The following TBCD variants were observed in gnomAD, a reference collection of about 807,000 sequenced individuals.
The protein encoded by TBCD is tubulin-specific chaperone D.
A neutral mutation model predicts 169.3 loss-of-function variants in TBCD; 105 were observed. The observed-to-expected ratio is 0.62, with a 90% CI of 0.53 to 0.73. The LOEUF is 0.73. TBCD is among the 30% of genes least tolerant of loss of function. The pLI is 0.00. For synonymous variants in TBCD, 700 were observed against 643.9 expected, an observed-to-expected ratio of 1.09 and a Z score of -1.32; for missense variants, 1,444 against 1,600.1, an observed-to-expected ratio of 0.90 and a Z score of 1.66.
At chr17:82,777,213 T>C (rs1386880122) in intron 6 of TBCD, among the ~76,000 whole-genome samples, 1 of 152,202 alleles carries the variant, frequency 6.6e-6, no homozygotes, top group Non-Finnish European at 1.5e-5. Flanking sequence ...GAATTATTGA[T>C]TCATTTGGGG....
At position 82,930,845 on chromosome 17, in the gene TBCD, G is replaced by T. The variant is rs557690712; in HGVS notation, c.3113+202G>T. Reference sequence around the variant, plus strand: ...CGGGCGGCCAGGCCTCAGCCCCTGCGCCTCCTCTTCTAGCCTCCACATGAG... The same window carrying T: ...CGGGCGGCCAGGCCTCAGCCCCTGCTCCTCCTCTTCTAGCCTCCACATGAG... On this transcript the variant is annotated intron_variant, in intron 33 of 38. Coordinates refer to ENST00000355528, the MANE Select transcript of TBCD (RefSeq NM_005993.5). This position sits in a 1 kb window ranked among gnomAD's most constrained non-coding sequence, Gnocchi z 5.2. Among the ~76,000 whole-genome samples the T allele has an allele frequency of 6.6e-6, 1 of 152,218 alleles. No homozygotes were observed. The highest frequency in any genetic ancestry group is 2.4e-5 in the African/African-American group (1 of 41,450).
At chr17:82,918,072 A>T (rs904115182) in intron 23 of TBCD, among the ~76,000 whole-genome samples, 6 of 152,160 alleles carry the variant, frequency 3.9e-5, no homozygotes, top group Non-Finnish European at 5.9e-5. Flanking sequence ...AAGTTATGAG[A>T]TTAGTAATAG....
Position 82,832,992 on chromosome 17 carries a change from G to A in TBCD, c.1318+18058G>A, listed in dbSNP as rs1260098242. ...GTGACCTGGACCTTTCCTCGAAAGC[G>A]CCCTGCCGGGGGCTGAGGACACCGA... On this transcript the variant is annotated intron_variant, in intron 13 of 38. Transcript: ENST00000355528. The surrounding 1 kb of genome is among the most constrained non-coding windows in gnomAD (Gnocchi z 4.9). 5.3e-5 allele frequency among the ~76,000 whole-genome samples: 8 copies of A among 152,152 alleles called. No individual in the cohort carries two copies. Among genetic ancestry groups the A allele is most frequent in the East Asian group, 3.9e-4 (2 of 5,188 alleles).
chr17:82,906,053 G>GGTAGGAAGA lies in TBCD; in HGVS notation c.1922+3_1922+11dup. Reference sequence around the variant, plus strand: ...TACAAACTTGCAGCCCAAGAGAACAGGTAGGAAGAGTGGGTCTCGAGGAGA... The same window carrying GGTAGGAAGA: ...TACAAACTTGCAGCCCAAGAGAACAGGTAGGAAGAGTAGGAAGAGTGGGTCTCGAGGAGA... On this transcript the variant is annotated stop_gained and inframe_insertion and splice_region_variant. Transcript: ENST00000355528. LOFTEE classifies it high-confidence loss of function. 6.2e-7 allele frequency: 1 copy of GGTAGGAAGA among 1,601,412 alleles called. No homozygotes were observed. Among genetic ancestry groups the GGTAGGAAGA allele is most frequent in the East Asian group, 2.2e-5 (1 of 44,496 alleles).
At chr17:82,895,307 G>A (rs973445046) in intron 17 of TBCD, among the ~76,000 whole-genome samples, 17 of 152,162 alleles carry the variant, frequency 1.1e-4, no homozygotes, top group African/African-American at 3.4e-4. Flanking sequence ...CTAGTACCGC[G>A]GGGCCCCCCT....
intron 13 of TBCD, among the ~76,000 whole-genome samples, chr17:82,853,625 G>A (rs1404666663): frequency 6.6e-6 from 1 of 151,168 alleles, no homozygotes; most frequent in East Asian, 1.9e-4. Context: ...GGTTGGTCTT[G>A]AACTCCTCGC....
rs2053725210 is a variant in TBCD, at chr17:82,833,863, T to C, written c.1318+18929T>C. 6.6e-6 allele frequency among the ~76,000 whole-genome samples: 1 copy of C among 152,198 alleles called. No homozygotes were observed. The highest frequency in any genetic ancestry group is 1.5e-5 in the Non-Finnish European group (1 of 68,038). On this transcript the variant is annotated intron_variant, in intron 13 of 38. Coordinates refer to ENST00000355528, the MANE Select transcript of TBCD (RefSeq NM_005993.5). The surrounding 1 kb of genome is among the most constrained non-coding windows in gnomAD (Gnocchi z 4.7). ...AGAGCTGGCCTGCTCTTTTGGATTC[T>C]TCCAGAGGGTCTCTGTGTCCCCCTT...
chr17:82,899,840 A>C (rs2059768885), intron 17 of TBCD, among the ~76,000 whole-genome samples: 1 of 152,236 alleles, frequency 6.6e-6, no homozygotes, highest in African/African-American at 2.4e-5. Context: ...GTAACGATTT[A>C]ACAATTAGCA....
Position 82,774,699 on chromosome 17 carries a change from A to G in TBCD, c.638+2192A>G, listed in dbSNP as rs1002706075. On this transcript the variant is annotated intron_variant, in intron 6 of 38. Coordinates refer to ENST00000355528, the MANE Select transcript of TBCD (RefSeq NM_005993.5). ...GGCTGCCCCCCACCCGAGTGTGTCTACCTGTCGTTTGTGGTGGGACATTTA... is the reference window on the plus strand; with the variant it reads ...GGCTGCCCCCCACCCGAGTGTGTCTGCCTGTCGTTTGTGGTGGGACATTTA... Among the ~76,000 whole-genome samples, 11 of 152,270 alleles carry G rather than the reference A, an allele frequency of 7.2e-5. No homozygotes were observed. In the East Asian group the frequency reaches 2.1e-3, roughly 29 times the overall value.
chr17:82,876,949 C>T (rs1047092908), intron 14 of TBCD: 2 of 985,292 alleles, frequency 2.0e-6, no homozygotes, highest in Admixed American at 1.2e-4. Flanking sequence ...TTGAAGTGGA[C>T]TGAACAACAG....
At chr17:82,937,879 C>T in intron 35 of TBCD, 170 bp from the exon 36 acceptor site, 2 of 1,518,368 alleles carry the variant, frequency 1.3e-6, no homozygotes, top group Non-Finnish European at 1.8e-6. Flanking sequence ...TGTGTGTAGG[C>T]ACAGTGCAGA....
chr17:82,828,989 A>C (rs1336316878), intron 13 of TBCD, among the ~76,000 whole-genome samples: 2 of 119,436 alleles, frequency 1.7e-5, no homozygotes, highest in Admixed American at 9.1e-5. Context: ...CCATATACCC[A>C]CCCCCACAAT....
chr17:82,761,105 G>A (rs373487581), intron 2 of TBCD, among the ~76,000 whole-genome samples: 3 of 151,884 alleles, frequency 2.0e-5, no homozygotes, highest in Non-Finnish European at 4.4e-5. Context: ...GATTACAGGC[G>A]CCACCTGTAA....
intron 2 of TBCD, among the ~76,000 whole-genome samples, chr17:82,758,384 G>GGAAAAAAAAAAAAAAAAAAAAA (rs1555672563): frequency 4.0e-5 from 1 of 25,000 alleles, no homozygotes; most frequent in Non-Finnish European, 8.6e-5. Flanking sequence ...AAACGTCTCG[G>GGAAAAAAAAAAAAAAAAAAAAA]AAAAAAAAAA....
chr17:82,844,297 C>A (rs2054817401), intron 13 of TBCD, among the ~76,000 whole-genome samples: 1 of 150,510 alleles, frequency 6.6e-6, no homozygotes, highest in Non-Finnish European at 1.5e-5. Context: ...GTCTCAAGTG[C>A]TTCTCCTGCC....
chr17:82,771,118 A>AC lies in TBCD; in HGVS notation c.583-1333dup, dbSNP rs1555676880. Among the ~76,000 whole-genome samples the AC allele has an allele frequency of 8.6e-4, 128 of 149,428 alleles. 3 individuals carry two copies. In the Middle Eastern group the frequency reaches 0.01, roughly 12 times the overall value. On this transcript the variant is annotated intron_variant, in intron 5 of 38. Coordinates refer to ENST00000355528, the MANE Select transcript of TBCD (RefSeq NM_005993.5). ...TCTAAGTGTATCGTTATGGGAAAAA[A>AC]CAAACAAACAAACAAAAAAAACCGA...
rs1334431692 is a variant in TBCD, at chr17:82,917,019, CTTTTCT to C, written c.2039-3532_2039-3527del. Among the ~76,000 whole-genome samples the C allele has an allele frequency of 1.8e-4, 19 of 108,518 alleles. 1 individual carries two copies. Among genetic ancestry groups the C allele is most frequent in the Admixed American group, 6.9e-4 (6 of 8,640 alleles). The allele number at this position is 108,518 out of a possible 152,430, so 71.2% of individuals were successfully genotyped here. A position where few individuals can be genotyped will look rare whatever the true frequency, so the allele number is the denominator to read the frequency against. On this transcript the variant is annotated intron_variant, in intron 23 of 38. Coordinates refer to ENST00000355528, the MANE Select transcript of TBCD (RefSeq NM_005993.5). The stretch of plus-strand genomic sequence containing the variant: ...CAGTTTGGACTTTTTTTTTTCTTTT[CTTTTCT>C]TTTTTTTTTTTTTGAGTTGGAGTCT...
chr17:82,780,888 C>T (rs1400141306), intron 6 of TBCD, among the ~76,000 whole-genome samples: 1 of 151,864 alleles, frequency 6.6e-6, no homozygotes, highest in Non-Finnish European at 1.5e-5. Context: ...CCTCGTGATC[C>T]GCCCTCCTCG....
rs1007633328 is a variant in TBCD, at chr17:82,923,296, T to C, written c.2179-356T>C. Among the ~76,000 whole-genome samples the C allele has an allele frequency of 1.3e-5, 2 of 152,250 alleles. No individual in the cohort carries two copies. The highest frequency in any genetic ancestry group is 4.8e-5 in the African/African-American group (2 of 41,474). On this transcript the variant is annotated intron_variant, in intron 25 of 38. Transcript: ENST00000355528. The surrounding 1 kb of genome is among the most constrained non-coding windows in gnomAD (Gnocchi z 4.6). The stretch of plus-strand genomic sequence containing the variant: ...GTTGTAGTGGTAGTAAAGTGATGCG[T>C]GTATCTGACAGATGATGGTGAGCAG...
Sources: gnomAD v4.1 joint callset for allele counts (sites outside exome capture counted in the v4.1 genomes callset) on GRCh38, gnomAD v4.1.1 for gene constraint, Gnocchi (gnomAD v3.1) non-coding constraint, MANE v1.5 for transcripts, NCBI Gene and HGNC (gene_info 2026-07-23, HGNC 2026-07-21) for gene names.